Variants in GTF2IRD1 observed in about 807,000 individuals in gnomAD.
GTF2IRD1 encodes the protein general transcription factor II-I repeat domain-containing protein 1.
In GTF2IRD1, 26 loss-of-function variants were observed where a neutral mutation model predicts 113.2. The observed-to-expected ratio is 0.23, with a 90% CI of 0.17 to 0.32. The LOEUF is 0.32. Ranked by LOEUF, GTF2IRD1 falls within the 10% of genes least tolerant of loss-of-function variation. GTF2IRD1 has a pLI of 1.00. For missense variants in GTF2IRD1, 864 were observed against 1,280.8 expected (o/e 0.67, Z 4.97); for synonymous variants, 484 against 529.1 (o/e 0.91, Z 1.17).
At chr7:74,560,422 C>T (rs1462783857) in intron 22 of GTF2IRD1, among the ~76,000 whole-genome samples, 3 of 149,396 alleles carry the variant, frequency 2.0e-5, no homozygotes, top group Non-Finnish European at 4.4e-5. Context: ...TGCAGTGCCT[C>T]TCCTGACCCT....
intron 1 of GTF2IRD1, among the ~76,000 whole-genome samples, chr7:74,469,199 G>T (rs971313838): frequency 6.6e-6 from 1 of 152,060 alleles, no homozygotes; most frequent in Non-Finnish European, 1.5e-5. Context: ...GGGTAGGAGC[G>T]TGGTGATGCT....
intron 12 of GTF2IRD1, 56 bp from the exon 13 acceptor site, chr7:74,538,624 T>C (rs1455689628): frequency 1.0e-6 from 1 of 988,610 alleles, no homozygotes; most frequent in Non-Finnish European, 1.6e-6. Flanking sequence ...AAAGAGTCAC[T>C]CTGCCCAGTC....
At chr7:74,576,452 T>C (rs587758699) in intron 22 of GTF2IRD1, among the ~76,000 whole-genome samples, 2 of 149,146 alleles carry the variant, frequency 1.3e-5, no homozygotes, top group South Asian at 4.3e-4. Flanking sequence ...TCCCAGCTAC[T>C]CGGGAGGCTG....
chr7:74,601,339 T>C (rs1802759218), intron 26 of GTF2IRD1, 159 bp downstream of exon 26: 1 of 1,534,672 alleles, frequency 6.5e-7, no homozygotes, highest in Non-Finnish European at 8.7e-7. Context: ...TGCATCCACC[T>C]GTCTCACCCA....
chr7:74,512,724 TG>T lies in GTF2IRD1; in HGVS notation c.124-102del. On this transcript the variant is annotated intron_variant, in intron 2 of 26. Transcript: ENST00000424337. The surrounding 1 kb of genome is among the most constrained non-coding windows in gnomAD (Gnocchi z 4.4). ...GGCCGTCTGTCCCTGGAGCTGCTGC[TG>T]GGGTCTCAGGCAGCTGGGAGCTCAC... 1 of 1,025,818 alleles carries T rather than the reference TG, an allele frequency of 9.7e-7. No individual in the cohort carries two copies. The highest frequency in any genetic ancestry group is 1.4e-6 in the Non-Finnish European group (1 of 694,178). The allele number at this position is 1,025,818 out of a possible 1,614,324, so 63.5% of individuals were successfully genotyped here.
intron 22 of GTF2IRD1, among the ~76,000 whole-genome samples, chr7:74,588,106 C>CTTTTTTTTTTTTTTTTTT (rs781908698): frequency 3.0e-5 from 4 of 135,022 alleles, no homozygotes; most frequent in Non-Finnish European, 4.8e-5. Flanking sequence ...CTTTTCTTTT[C>CTTTTTTTTTTTTTTTTTT]TTTTTTTTTT....
At chr7:74,518,055 G>C in intron 4 of GTF2IRD1, 84 bp from the exon 5 acceptor site, 1 of 983,772 alleles carries the variant, frequency 1.0e-6, no homozygotes. Context: ...ACTCAGCACT[G>C]CCCCCACTCT....
intron 13 of GTF2IRD1, 123 bp from the exon 14 acceptor site, chr7:74,539,756 A>T: frequency 1.6e-6 from 1 of 640,842 alleles, no homozygotes. Flanking sequence ...ACCAAAAAAA[A>T]AAAAGAGACA....
intron 22 of GTF2IRD1, among the ~76,000 whole-genome samples, chr7:74,583,692 C>T (rs1801560801): frequency 6.6e-6 from 1 of 152,096 alleles, no homozygotes; most frequent in Non-Finnish European, 1.5e-5. Context: ...CTATCGACTG[C>T]CCCGTAGTGT....
intron 22 of GTF2IRD1, among the ~76,000 whole-genome samples, chr7:74,564,135 G>T (rs587732647): frequency 8.6e-4 from 131 of 151,974 alleles, no homozygotes; most frequent in African/African-American, 3.1e-3. Flanking sequence ...CAAGCGATTC[G>T]CCTGCCTCAG....
intron 14 of GTF2IRD1, among the ~76,000 whole-genome samples, chr7:74,541,911 A>AATAGATAGATAGATAG (rs58094935): frequency 0.021 from 3,154 of 150,136 alleles, 42 homozygotes; most frequent in Non-Finnish European, 0.034. Flanking sequence ...AAAATAACTA[A>AATAGATAGATAGATAG]ATAGATAGAT....
chr7:74,517,983 G>GCACAAAGACT (rs1797050784), intron 4 of GTF2IRD1, among the ~76,000 whole-genome samples, 156 bp from the exon 5 acceptor site: 5 of 152,172 alleles, frequency 3.3e-5, no homozygotes, highest in Admixed American at 3.3e-4. Context: ...CCTGCAGGCG[G>GCACAAAGACT]TTATTCTGCA....
intron 25 of GTF2IRD1, among the ~76,000 whole-genome samples, chr7:74,599,615 G>A (rs1802625602): frequency 6.6e-6 from 1 of 152,286 alleles, no homozygotes; most frequent in East Asian, 1.9e-4. Context: ...GGCACTGCCT[G>A]TCTACTTGGA....
At chr7:74,566,062 GC>G (rs1800295560) in intron 22 of GTF2IRD1, among the ~76,000 whole-genome samples, 1 of 150,138 alleles carries the variant, frequency 6.7e-6, no homozygotes, top group Non-Finnish European at 1.5e-5. Context: ...GCAAATATAT[GC>G]CCATGGTAGA....
intron 5 of GTF2IRD1, among the ~76,000 whole-genome samples, chr7:74,518,634 C>G (rs1797094266): frequency 1.3e-5 from 2 of 152,130 alleles, no homozygotes; most frequent in African/African-American, 2.4e-5. Context: ...AATCTCAGCA[C>G]TTTGGGAGGC....
rs59499031 is a variant in GTF2IRD1, at chr7:74,517,427, C to CTTTTTTTTTTTTTTTTTTTTTTTTTT, written c.422-689_422-688insTTTTTTTTTTTTTTTTTTTTTTTTTT. Among the ~76,000 whole-genome samples, 2 of 77,402 alleles carry CTTTTTTTTTTTTTTTTTTTTTTTTTT rather than the reference C, an allele frequency of 2.6e-5. 1 individual carries two copies. The highest frequency in any genetic ancestry group is 1.0e-4 in the African/African-American group (2 of 19,118). The allele number at this position is 77,402 out of a possible 152,430, so 50.8% of individuals were successfully genotyped here. A position where few individuals can be genotyped will look rare whatever the true frequency, so the allele number is the denominator to read the frequency against. ...GGTCTCTCTCCCTTCCTCCCTACACCTTTTTTTTTTTTTTTTTTTTTTTGA... is the reference window on the plus strand; with the variant it reads ...GGTCTCTCTCCCTTCCTCCCTACACCTTTTTTTTTTTTTTTTTTTTTTTTTTTTTTTTTTTTTTTTTTTTTTTTTGA... On this transcript the variant is annotated intron_variant, in intron 4 of 26. Coordinates refer to ENST00000424337, the MANE Select transcript of GTF2IRD1 (RefSeq NM_005685.4).
rs1390306913 is a variant in GTF2IRD1 at position 74,454,234 on chromosome 7, C to T, written c.-7+58C>T. 5.4e-5 allele frequency: 8 copies of T among 149,286 alleles called. No homozygotes were observed. The East Asian group carries it at 1.4e-3, about 26-fold the overall frequency. 9.2% of individuals were successfully genotyped at this position (149,286 alleles called of 1,614,324 possible). ...AGGCCCTTCTCCCCTTCTCCCCCACCCCCGCCCCCGATCCCCTCCGCCTCC... is the reference window on the plus strand; with the variant it reads ...AGGCCCTTCTCCCCTTCTCCCCCACTCCCGCCCCCGATCCCCTCCGCCTCC... On this transcript the variant is annotated intron_variant, in intron 1 of 26. Transcript: ENST00000424337.
At chr7:74,514,781 G>A (rs1489456819) in intron 3 of GTF2IRD1, among the ~76,000 whole-genome samples, 1 of 151,928 alleles carries the variant, frequency 6.6e-6, no homozygotes, top group Non-Finnish European at 1.5e-5. Context: ...GTTCGTGTCA[G>A]AGCACAGAAA....
At chr7:74,482,151 A>G (rs1440604918) in intron 1 of GTF2IRD1, among the ~76,000 whole-genome samples, 1 of 149,304 alleles carries the variant, frequency 6.7e-6, no homozygotes, top group Non-Finnish European at 1.5e-5. Context: ...AAAAAGGGAC[A>G]GTTTTGCTGT....
Sources: allele counts gnomAD v4.1 joint callset (sites outside exome capture counted in the v4.1 genomes callset), GRCh38; gene constraint gnomAD v4.1.1; non-coding constraint Gnocchi (gnomAD v3.1); transcripts MANE v1.5; gene names NCBI Gene and HGNC (gene_info 2026-07-23, HGNC 2026-07-21).